Variants in ZNF287 observed in about 807,000 individuals in gnomAD.
ZNF287 encodes zinc finger protein 287.
A neutral mutation model predicts 73.7 loss-of-function variants in ZNF287; 31 were observed. That is an observed-to-expected ratio of 0.42 (90% CI 0.32 to 0.57). ZNF287 has a LOEUF of 0.57. Among genes scored for constraint, ZNF287 ranks in the 20% least tolerant of loss-of-function variants. The pLI is 0.13. For synonymous variants in ZNF287, 301 were observed against 307.2 expected, an observed-to-expected ratio of 0.98 and a Z score of 0.21; for missense variants, 641 against 909.3, an observed-to-expected ratio of 0.70 and a Z score of 3.79.
At chr17:16,557,137 C>T (rs922003896) in intron 5 of ZNF287, among the ~76,000 whole-genome samples, 3 of 152,172 alleles carry the variant, frequency 2.0e-5, no homozygotes, top group Non-Finnish European at 4.4e-5. Context: ...TGAGCTACTG[C>T]ACCCGACCGA....
intron 2 of ZNF287, 23 bp downstream of exon 2, chr17:16,567,306 C>T (rs1907805499): frequency 6.3e-7 from 1 of 1,594,390 alleles, no homozygotes; most frequent in East Asian, 2.2e-5. Flanking sequence ...GGATTCCTCC[C>T]CTCTCTGCTC....
In ZNF287 at chr17:16,549,169, G is replaced by T. The variant is rs1218103528; in HGVS notation, c.*2687C>A. 2.0e-5 allele frequency among the ~76,000 whole-genome samples: 3 copies of T among 152,128 alleles called. No individual in the cohort carries two copies. The highest frequency in any genetic ancestry group is 6.5e-5 in the Admixed American group (1 of 15,276). On this transcript the variant is annotated 3_prime_UTR_variant, in exon 6 of 6. Coordinates refer to ENST00000395825, the MANE Select transcript of ZNF287 (RefSeq NM_020653.4). ...TATATTTGAAAACTCATAATAAAAA[G>T]TTCTGGAAAATAAGGCTATTTGCTA...
chr17:16,567,468 A>C lies in ZNF287; in HGVS notation c.264T>G (p.Ile88Met). The change falls in exon 2 of 6, where the codon ATT (isoleucine) becomes ATG (methionine). Residue 88 changes from isoleucine to methionine, a missense_variant. Physicochemically the swap from Ile to Met is conservative, Grantham distance 10. Around this residue, in one of 2 missense-constraint regions of ZNF287, gnomAD observed 357 missense variants for 442.4 expected, o/e 0.81. Coordinates refer to ENST00000395825, the MANE Select transcript of ZNF287 (RefSeq NM_020653.4). ...ATTGCTCCAGCACCAGCAGCTCCAA[A>C]ATTTGTTCCTTTGAGTGAATCTCAG... The part of the protein sequence containing the change: ...LRPEIHSKEQ[I>M]LELLVLEQFL... 6.2e-6 allele frequency: 10 copies of C among 1,614,124 alleles called. No homozygotes were observed. The highest frequency in any genetic ancestry group is 8.5e-6 in the Non-Finnish European group (10 of 1,180,018).
In ZNF287 at chr17:16,566,620, G is replaced by A. The variant is rs760715365; in HGVS notation, c.406C>T (p.Pro136Ser). The A allele has an allele frequency of 6.2e-7, 1 of 1,610,212 alleles. No individual in the cohort carries two copies. Among genetic ancestry groups the A allele is most frequent in the South Asian group, 1.1e-5 (1 of 90,426 alleles). Reference sequence around the variant, plus strand: ...TCTTGGGAAAGGGTAGAGTTTTGAGGAGCTAGAGAAGAGAAAGAGGTCATG... The same window carrying A: ...TCTTGGGAAAGGGTAGAGTTTTGAGAAGCTAGAGAAGAGAAAGAGGTCATG... ...DLTQILEEEA[P>S]QNSTLSQDTP... The change falls in exon 3 of 6, where the codon CCT becomes TCT. Residue 136 changes from proline to serine, a missense_variant and splice_region_variant. Around this residue, in one of 2 missense-constraint regions of ZNF287, gnomAD observed 357 missense variants for 442.4 expected, o/e 0.81. Transcript: ENST00000395825.
At chr17:16,567,978 A>G in intron 1 of ZNF287, 49 bp from the exon 2 acceptor site, 1 of 1,355,228 alleles carries the variant, frequency 7.4e-7, no homozygotes, top group Non-Finnish European at 9.5e-7. Flanking sequence ...GGTGTACTCT[A>G]CTATACATAT....
intron 4 of ZNF287, 94 bp from the exon 5 acceptor site, chr17:16,563,326 T>C (rs1181427859): frequency 2.4e-6 from 2 of 842,334 alleles, no homozygotes; most frequent in East Asian, 2.5e-5. Context: ...AGAACAGACC[T>C]CTGTAGGAAA....
At chr17:16,563,293 T>C in intron 4 of ZNF287, 61 bp from the exon 5 acceptor site, 1 of 1,251,298 alleles carries the variant, frequency 8.0e-7, no homozygotes, top group Non-Finnish European at 1.1e-6. Context: ...AAAGTTTTAT[T>C]ACCAGACTTC....
rs1906671514 is a variant in ZNF287 at position 16,551,720 on chromosome 17, C to T, written c.*136G>A. On this transcript the variant is annotated 3_prime_UTR_variant, in exon 6 of 6. Coordinates refer to ENST00000395825, the MANE Select transcript of ZNF287 (RefSeq NM_020653.4). ...AAATCTAAATAGGTTATATCCATAC[C>T]ACTACTTCTGATACTTCTGCTGAGT... is the stretch of plus-strand genomic sequence containing the variant. The T allele has an allele frequency of 2.3e-6, 2 of 886,754 alleles. No homozygotes were observed. Among genetic ancestry groups the T allele is most frequent in the Non-Finnish European group, 1.7e-6 (1 of 580,082 alleles). The allele number at this position is 886,754 out of a possible 1,614,324, so 54.9% of individuals were successfully genotyped here.
Position 16,552,696 on chromosome 17 carries a change from G to A in ZNF287, c.1446C>T (p.Cys482=). The change falls in exon 6 of 6, where the codon TGC becomes TGT. Residue 482 remains cysteine, a synonymous_variant. Coordinates refer to ENST00000395825, the MANE Select transcript of ZNF287 (RefSeq NM_020653.4). The surrounding 1 kb of genome is among the most constrained non-coding windows in gnomAD (Gnocchi z 6.5). ...GACTGAAGGTTTTACCACATTCCAA[G>A]CATTTATATGGTTTCTCTCCAGTAT... is the stretch of plus-strand genomic sequence containing the variant. ...RTHTGEKPYK[C]LECGKTFSHS... 1 of 1,614,098 alleles carries A rather than the reference G, an allele frequency of 6.2e-7. No individual in the cohort carries two copies. The highest frequency in any genetic ancestry group is 8.5e-7 in the Non-Finnish European group (1 of 1,180,018).
chr17:16,556,100 TA>T (rs1222963998), intron 5 of ZNF287, among the ~76,000 whole-genome samples: 4 of 151,042 alleles, frequency 2.6e-5, no homozygotes, highest in South Asian at 2.1e-4. Context: ...AGCAGGTGTA[TA>T]AAAAAATGTA....
Position 16,567,345 on chromosome 17 carries a change from C to G in ZNF287, c.387G>C (p.Gln129His). Residue 129 changes from glutamine (Q) to histidine (H), a missense_variant, in exon 2 of 6, where the codon CAG becomes CAC. By Grantham distance (24) the Gln-to-His change is conservative (BLOSUM62 0). Around this residue, in one of 2 missense-constraint regions of ZNF287, gnomAD observed 357 missense variants for 442.4 expected, o/e 0.81. Coordinates refer to ENST00000395825, the MANE Select transcript of ZNF287 (RefSeq NM_020653.4). ...EAVTLVEDLT[Q>H]ILEEEAPQNS... ...GATTCTCACCTTCCTCTTCTAGAATCTGAGTCAAATCCTCCACCAGAGTCA... is the reference window on the plus strand; with the variant it reads ...GATTCTCACCTTCCTCTTCTAGAATGTGAGTCAAATCCTCCACCAGAGTCA... 3 of 1,612,932 alleles carry G rather than the reference C, an allele frequency of 1.9e-6. No homozygotes were observed. Among genetic ancestry groups the G allele is most frequent in the Non-Finnish European group, 1.7e-6 (2 of 1,179,200 alleles).
intron 5 of ZNF287, among the ~76,000 whole-genome samples, chr17:16,554,023 G>T (rs1271762013): frequency 6.6e-6 from 1 of 152,164 alleles, no homozygotes; most frequent in Non-Finnish European, 1.5e-5. Context: ...TGAGTAATCT[G>T]TTTTATTAAA....
In ZNF287 at chr17:16,567,605, G is replaced by T. The variant is rs1473091499; in HGVS notation, c.127C>A (p.Arg43Ser). 1.2e-6 allele frequency: 2 copies of T among 1,614,164 alleles called. No individual in the cohort carries two copies. Among genetic ancestry groups the T allele is most frequent in the East Asian group, 2.2e-5 (1 of 44,890 alleles). Residue 43 changes from arginine to serine, a missense_variant, in exon 2 of 6, where the codon CGT becomes AGT. Physicochemically the swap from Arg to Ser is moderately radical, Grantham distance 110. Coordinates refer to ENST00000395825, the MANE Select transcript of ZNF287 (RefSeq NM_020653.4). ...TTCTGTCGACAGGTCTCAGTGTCAC[G>T]CAAGAATCTTGAAGTAAGGATTTCC... is the stretch of plus-strand genomic sequence containing the variant. The part of the protein sequence containing the change: ...EKEILTSRFL[R>S]DTETCRQNFR...
At chr17:16,561,755 T>C (rs1351740192) in intron 5 of ZNF287, among the ~76,000 whole-genome samples, 2 of 152,102 alleles carry the variant, frequency 1.3e-5, no homozygotes, top group Non-Finnish European at 2.9e-5. Flanking sequence ...TGGGCAACAT[T>C]TCTCTGTTAA....
In ZNF287 at chr17:16,567,280, T is replaced by C; in HGVS notation, c.403+49A>G. The stretch of plus-strand genomic sequence containing the variant: ...GAGCTGCTCAGATGTGCTAGTTGTC[T>C]TCTTTAACCACCCAGGGATTCCTCC... On this transcript the variant is annotated intron_variant, in intron 2 of 5. Transcript: ENST00000395825. 5.1e-6 allele frequency: 8 copies of C among 1,560,762 alleles called. No individual in the cohort carries two copies. In the South Asian group the frequency reaches 9.9e-5, roughly 19 times the overall value.
At position 16,567,560 on chromosome 17, in the gene ZNF287, G is replaced by A; in HGVS notation, c.172C>T (p.Pro58Ser). The A allele has an allele frequency of 3.1e-6, 5 of 1,614,166 alleles. No homozygotes were observed. Among genetic ancestry groups the A allele is most frequent in the Non-Finnish European group, 4.2e-6 (5 of 1,180,038 alleles). ...CRQNFRNFPY[P>S]DLAGPRKALS... ...GCCTTTCGAGGACCAGCCAGGTCTG[G>A]GTATGGAAAATTCCTAAAATTCTGT... The change falls in exon 2 of 6, where the codon CCA (proline) becomes TCA (serine). Residue 58 changes from proline to serine, a missense_variant. By Grantham distance (74) the Pro-to-Ser change is moderately conservative (BLOSUM62 -1). Coordinates refer to ENST00000395825, the MANE Select transcript of ZNF287 (RefSeq NM_020653.4).
rs1569012069 is a variant in ZNF287 at position 16,551,801 on chromosome 17, CACAAA to C, written c.*50_*54del. 6.5e-7 allele frequency: 1 copy of C among 1,528,946 alleles called. No individual in the cohort carries two copies. The highest frequency in any genetic ancestry group is 8.8e-7 in the Non-Finnish European group (1 of 1,139,752). The allele number at this position is 1,528,946 out of a possible 1,614,324, so 94.7% of individuals were successfully genotyped here. A position where few individuals can be genotyped will look rare whatever the true frequency, so the allele number is the denominator to read the frequency against. ...TCTGAATGTTCTGACACATAGAATGCACAAAACAAAATTGAAACAAAGTTGTAAAA... is the reference window on the plus strand; with the variant it reads ...TCTGAATGTTCTGACACATAGAATGCACAAAATTGAAACAAAGTTGTAAAA... On this transcript the variant is annotated 3_prime_UTR_variant, in exon 6 of 6. Coordinates refer to ENST00000395825, the MANE Select transcript of ZNF287 (RefSeq NM_020653.4).
intron 5 of ZNF287, 79 bp downstream of exon 5, chr17:16,563,067 T>C (rs1907540044): frequency 1.7e-6 from 2 of 1,163,248 alleles, no homozygotes; most frequent in Non-Finnish European, 1.3e-6. Context: ...GACCTGGTCA[T>C]ATTTAAAATG....
rs963976871 is a variant in ZNF287, at chr17:16,548,799, C to CA, written c.*3056dup. Among the ~76,000 whole-genome samples, 2 of 150,838 alleles carry CA rather than the reference C, an allele frequency of 1.3e-5. No individual in the cohort carries two copies. The highest frequency in any genetic ancestry group is 3.0e-5 in the Non-Finnish European group (2 of 67,746). ...TGGGTGACAGAGTGAGACTCCGTCT[C>CA]AAAAAAAAGGAAAAACCAAAGTGGG... On this transcript the variant is annotated 3_prime_UTR_variant, in exon 6 of 6. Coordinates refer to ENST00000395825, the MANE Select transcript of ZNF287 (RefSeq NM_020653.4).
Sources: allele counts gnomAD v4.1 joint callset (sites outside exome capture counted in the v4.1 genomes callset), GRCh38; gene constraint gnomAD v4.1.1; regional missense constraint gnomAD v4.1.1; non-coding constraint Gnocchi (gnomAD v3.1); transcripts MANE v1.5; gene names NCBI Gene and HGNC (gene_info 2026-07-23, HGNC 2026-07-21).